The following TRRAP variants were observed in gnomAD, a reference collection of about 807,000 sequenced individuals.
TRRAP encodes the protein transformation/transcription domain associated protein.
Under a neutral mutation model 438.8 loss-of-function variants are expected in TRRAP, and 41 were observed. The observed-to-expected ratio is 0.09, with a 90% CI of 0.07 to 0.12. The LOEUF is 0.12. Among genes scored for constraint, TRRAP ranks in the 10% least tolerant of loss-of-function variants. The probability of loss-of-function intolerance (pLI) is 1.00; values close to 1 mark genes in which losing one functional copy is unlikely to be tolerated. For synonymous variants in TRRAP, 1,994 were observed against 1,962.9 expected (o/e 1.02, Z -0.42); for missense variants, 3,122 against 5,055.1 (o/e 0.62, Z 11.60).
chr7:98,992,024 A>T, intron 64 of TRRAP, 113 bp from the exon 65 acceptor site: 1 of 1,206,648 alleles, frequency 8.3e-7, no homozygotes, highest in Non-Finnish European at 1.2e-6. Context: ...CTTGGTCCAA[A>T]GGCAGATCAG....
chr7:98,946,368 T>C (rs1554416824), intron 33 of TRRAP, among the ~76,000 whole-genome samples: 1 of 152,060 alleles, frequency 6.6e-6, no homozygotes, highest in Non-Finnish European at 1.5e-5. Context: ...ACCTTACAGC[T>C]TGTCCCACTC....
At chr7:98,931,164 A>C (rs1554412746) in intron 25 of TRRAP, among the ~76,000 whole-genome samples, 1 of 152,222 alleles carries the variant, frequency 6.6e-6, no homozygotes, top group Non-Finnish European at 1.5e-5. Context: ...CCAGTAGAAC[A>C]TGATGGGCAT....
chr7:98,941,096 C>G (rs1163255764), intron 30 of TRRAP, among the ~76,000 whole-genome samples: 4 of 152,192 alleles, frequency 2.6e-5, no homozygotes, highest in African/African-American at 9.7e-5. Flanking sequence ...GGTCCAACTT[C>G]ATTCTTTTGC....
In TRRAP at chr7:98,917,221, A is replaced by G. The variant is rs570558364; in HGVS notation, c.2366-202A>G. ...AAATTATAATTTATAACAGTTACAT[A>G]CGGCCTACTGTTACCACTCAGAAGG... On this transcript the variant is annotated intron_variant, in intron 19 of 72. Transcript: ENST00000456197. Among the ~76,000 whole-genome samples the G allele has an allele frequency of 2.2e-4, 33 of 152,314 alleles. 1 individual carries two copies. The South Asian group carries it at 6.8e-3, about 32-fold the overall frequency.
At position 98,976,375 on chromosome 7, in the gene TRRAP, G is replaced by T. The variant is rs148198385; in HGVS notation, c.7959+107G>T. ...ACAAGTTTCAGAAAATGAGGGAACC[G>T]CTGGCTGTCACTCGAGCGAATTAGG... On this transcript the variant is annotated intron_variant, in intron 54 of 72. Coordinates refer to ENST00000456197, the MANE Select transcript of TRRAP (RefSeq NM_001375524.1). The surrounding 1 kb of genome is among the most constrained non-coding windows in gnomAD (Gnocchi z 4.6). 404 of 1,572,374 alleles carry T rather than the reference G, an allele frequency of 2.6e-4. No individual in the cohort carries two copies. In the African/African-American group the frequency reaches 4.1e-3, roughly 16 times the overall value.
intron 30 of TRRAP, among the ~76,000 whole-genome samples, chr7:98,941,166 T>C: frequency 6.6e-6 from 1 of 152,194 alleles, no homozygotes; most frequent in East Asian, 1.9e-4. Context: ...AAGTCTTTTA[T>C]GTGGTTCGTT....
Position 98,970,099 on chromosome 7 carries a change from G to T in TRRAP, c.7513-13G>T. 4 of 1,612,576 alleles carry T rather than the reference G, an allele frequency of 2.5e-6. No individual in the cohort carries two copies. On this transcript the variant is annotated splice_polypyrimidine_tract_variant and intron_variant, in intron 51 of 72. Transcript: ENST00000456197. ...CATGCCTTGGGTCTGTCTCCTTTCC[G>T]CACCCCTTGCAGCTGCTTCTGGCCG...
At chr7:98,982,518 A>G (rs1792978736) in intron 59 of TRRAP, among the ~76,000 whole-genome samples, 1 of 152,244 alleles carries the variant, frequency 6.6e-6, no homozygotes, top group South Asian at 2.1e-4. Flanking sequence ...CCATAGAAAC[A>G]AATTTACATT....
chr7:98,994,099 G>T lies in TRRAP; in HGVS notation c.10047+362G>T, dbSNP rs116551539. 5.8e-3 allele frequency among the ~76,000 whole-genome samples: 886 copies of T among 152,208 alleles called. 7 individuals carry two copies. Among genetic ancestry groups the T allele is most frequent in the African/African-American group, 0.02 (850 of 41,514 alleles). ...TAGATGGGAAATTGTAGGGATGTGG[G>T]GTCTTTTCAGCAGTCAGACCACTTC... is the stretch of plus-strand genomic sequence containing the variant. On this transcript the variant is annotated intron_variant, in intron 66 of 72. Transcript: ENST00000456197. The surrounding 1 kb of genome is among the most constrained non-coding windows in gnomAD (Gnocchi z 4.8).
intron 40 of TRRAP, among the ~76,000 whole-genome samples, chr7:98,953,795 A>G (rs1791459511): frequency 6.6e-6 from 1 of 152,200 alleles, no homozygotes. Context: ...AAGATGGTAC[A>G]TTCTGTGTTA....
At chr7:98,974,834 G>A (rs974203871) in intron 53 of TRRAP, among the ~76,000 whole-genome samples, 4 of 152,332 alleles carry the variant, frequency 2.6e-5, no homozygotes, top group African/African-American at 9.6e-5. Context: ...AAACCATGCA[G>A]ACAGTAACAT....
intron 11 of TRRAP, among the ~76,000 whole-genome samples, chr7:98,902,553 A>G (rs1462573196): frequency 3.3e-5 from 5 of 151,512 alleles, no homozygotes; most frequent in Non-Finnish European, 5.9e-5. Context: ...CCTTAATTTT[A>G]ATGCATATGA....
intron 1 of TRRAP, among the ~76,000 whole-genome samples, chr7:98,879,112 G>A (rs1795302118): frequency 1.3e-5 from 2 of 152,324 alleles, no homozygotes; most frequent in Admixed American, 1.3e-4. Context: ...CCTCTGGCCC[G>A]GCGGCGCCGC....
chr7:98,939,101 A>G (rs1790681636), intron 30 of TRRAP, among the ~76,000 whole-genome samples: 1 of 152,222 alleles, frequency 6.6e-6, no homozygotes. Context: ...ATGGATTTAT[A>G]AATAATAAAC....
chr7:98,912,031 A>T lies in TRRAP; in HGVS notation c.2017A>T (p.Asn673Tyr). The T allele has an allele frequency of 6.2e-7, 1 of 1,612,374 alleles. No individual in the cohort carries two copies. The highest frequency in any genetic ancestry group is 1.3e-5 in the African/African-American group (1 of 74,966). Reference protein sequence around the residue: ...SKNYALQIVANSFLANPTTSA... With the variant: ...SKNYALQIVAYSFLANPTTSA... ...TTTCTTGTATTGACAGATTGTTGCC[A>T]ATTCCTTCTTGGCAAATCCTACTAC... Residue 673 changes from asparagine (N) to tyrosine (Y), a missense_variant, in exon 18 of 73, where the codon AAT becomes TAT. Asn to Tyr is a moderately radical substitution (Grantham distance 143). This residue lies in a region of TRRAP where 149 missense variants were observed against 302.8 expected (regional missense o/e 0.49). Transcript: ENST00000456197.
At chr7:98,926,995 G>A (rs1790078493) in intron 22 of TRRAP, among the ~76,000 whole-genome samples, 172 bp from the exon 23 acceptor site, 1 of 152,196 alleles carries the variant, frequency 6.6e-6, no homozygotes, top group Admixed American at 6.5e-5. Context: ...CCCCAGCCTG[G>A]GTGACAGAGC....
At chr7:98,883,933 C>G (rs534617579) in intron 3 of TRRAP, among the ~76,000 whole-genome samples, 1 of 152,314 alleles carries the variant, frequency 6.6e-6, no homozygotes, top group Non-Finnish European at 1.5e-5. Flanking sequence ...GTTCAGTTAC[C>G]AGCTGATGCC....
rs544582692 is a variant in TRRAP at position 98,963,856 on chromosome 7, G to A, written c.6830-773G>A. ...AGCACTTTGGGAGGCTGAGGCAGGC[G>A]GATTACTTGAGGTCAGGAGTTTGAG... On this transcript the variant is annotated intron_variant, in intron 47 of 72. Coordinates refer to ENST00000456197, the MANE Select transcript of TRRAP (RefSeq NM_001375524.1). Among the ~76,000 whole-genome samples, 8 of 152,176 alleles carry A rather than the reference G, an allele frequency of 5.3e-5. No individual in the cohort carries two copies. The East Asian group carries it at 1.4e-3, about 26-fold the overall frequency.
chr7:98,956,064 TGTGTGTGCAC>T lies in TRRAP; in HGVS notation c.5938-78_5938-69del, dbSNP rs1409492846. 2 of 1,484,950 alleles carry T rather than the reference TGTGTGTGCAC, an allele frequency of 1.3e-6. No individual in the cohort carries two copies. Among genetic ancestry groups the T allele is most frequent in the African/African-American group, 2.8e-5 (2 of 72,150 alleles). 92.0% of individuals were successfully genotyped at this position (1,484,950 alleles called of 1,614,324 possible). A position where few individuals can be genotyped will look rare whatever the true frequency, so the allele number is the denominator to read the frequency against. ...GGGGCTGAGAGGCATGTCGGGGGTG[TGTGTGTGCAC>T]GTGCGCACACGTGCATGCACTGTGG... On this transcript the variant is annotated intron_variant, in intron 41 of 72. Transcript: ENST00000456197. This position sits in a 1 kb window ranked among gnomAD's most constrained non-coding sequence, Gnocchi z 4.5.
Sources: allele counts gnomAD v4.1 joint callset (sites outside exome capture counted in the v4.1 genomes callset), GRCh38; gene constraint gnomAD v4.1.1; regional missense constraint gnomAD v4.1.1; non-coding constraint Gnocchi (gnomAD v3.1); transcripts MANE v1.5; gene names NCBI Gene and HGNC (gene_info 2026-07-23, HGNC 2026-07-21).